The following ITGB6 variants were observed in gnomAD, a reference collection of about 807,000 sequenced individuals.
The protein encoded by ITGB6 is integrin subunit beta 6.
ITGB6 carries 80 observed loss-of-function variants against 84.5 expected under a neutral mutation model. The observed-to-expected ratio is 0.95, with a 90% CI of 0.79 to 1.14. The LOEUF is 1.14. Among genes scored for constraint, ITGB6 ranks in the 50% most tolerant of loss-of-function variants. ITGB6 has a pLI of 0.00. For missense variants in ITGB6, 1,006 were observed against 968.0 expected (o/e 1.04, Z -0.52); for synonymous variants, 383 against 354.9 (o/e 1.08, Z -0.89).
chr2:160,173,650 C>T (rs1685301495), intron 5 of ITGB6, among the ~76,000 whole-genome samples: 1 of 152,044 alleles, frequency 6.6e-6, no homozygotes, highest in Admixed American at 6.6e-5. Flanking sequence ...AAATGTTCTA[C>T]CCTTGATTTT....
chr2:160,163,894 C>T (rs1684910567), intron 7 of ITGB6, among the ~76,000 whole-genome samples: 1 of 152,166 alleles, frequency 6.6e-6, no homozygotes, highest in Non-Finnish European at 1.5e-5. Flanking sequence ...GACAAACGTT[C>T]CCTATTACAC....
At chr2:160,131,664 T>C (rs1157393082) in intron 10 of ITGB6, among the ~76,000 whole-genome samples, 1 of 152,186 alleles carries the variant, frequency 6.6e-6, no homozygotes, top group Non-Finnish European at 1.5e-5. Flanking sequence ...AGCAACATCC[T>C]TTGTGATGTT....
At chr2:160,118,496 G>A (rs1299145384) in intron 12 of ITGB6, among the ~76,000 whole-genome samples, 2 of 152,006 alleles carry the variant, frequency 1.3e-5, no homozygotes, top group Non-Finnish European at 2.9e-5. Flanking sequence ...AATAAATTAG[G>A]TATTGATGGG....
At chr2:160,139,417 C>T (rs1223563464) in intron 8 of ITGB6, among the ~76,000 whole-genome samples, 1 of 152,010 alleles carries the variant, frequency 6.6e-6, no homozygotes, top group Admixed American at 6.6e-5. Context: ...TGCTTTGATA[C>T]TTTATGTGTA....
At chr2:160,167,598 G>A (rs1322859356) in intron 7 of ITGB6, among the ~76,000 whole-genome samples, 1 of 152,200 alleles carries the variant, frequency 6.6e-6, no homozygotes, top group Non-Finnish European at 1.5e-5. Flanking sequence ...ATTAGAGGCA[G>A]ACTCTAATCT....
At chr2:160,199,919 T>C in intron 1 of ITGB6, 84 bp downstream of exon 1, 1 of 1,033,238 alleles carries the variant, frequency 9.7e-7, no homozygotes, top group Non-Finnish European at 1.5e-6. Context: ...AAATAAAACA[T>C]GACTTCAGAT....
chr2:160,127,169 CTG>C (rs1484189292), intron 10 of ITGB6, among the ~76,000 whole-genome samples: 4 of 152,160 alleles, frequency 2.6e-5, no homozygotes, highest in Non-Finnish European at 4.4e-5. Flanking sequence ...CTTGACCAAG[CTG>C]TCTCTTGTGG....
chr2:160,118,725 G>T (rs1682893104), intron 12 of ITGB6, among the ~76,000 whole-genome samples: 1 of 150,544 alleles, frequency 6.6e-6, no homozygotes, highest in African/African-American at 2.4e-5. Context: ...AAGTCAAATT[G>T]TCCCTGTTTG....
intron 4 of ITGB6, among the ~76,000 whole-genome samples, chr2:160,187,652 T>C (rs1176128388): frequency 6.6e-6 from 1 of 152,204 alleles, no homozygotes; most frequent in Non-Finnish European, 1.5e-5. Flanking sequence ...TTTCCGAATA[T>C]GTAAAACAGT....
chr2:160,179,828 T>G (rs1357007781), intron 4 of ITGB6, among the ~76,000 whole-genome samples: 1 of 150,288 alleles, frequency 6.7e-6, no homozygotes, highest in African/African-American at 2.5e-5. Flanking sequence ...CCGGGCAGGG[T>G]GGTTCACGCC....
intron 12 of ITGB6, among the ~76,000 whole-genome samples, chr2:160,115,378 C>T (rs540425014): frequency 1.1e-3 from 170 of 152,248 alleles, no homozygotes; most frequent in Non-Finnish European, 1.8e-3. Context: ...CTGCAGCCAC[C>T]GCTGCTGATA....
intron 7 of ITGB6, among the ~76,000 whole-genome samples, chr2:160,154,580 A>G (rs1260242328): frequency 6.6e-6 from 1 of 152,228 alleles, no homozygotes; most frequent in Non-Finnish European, 1.5e-5. Context: ...CTTAAAGTAT[A>G]AAAAGAAAGA....
rs1211312490 is a variant in ITGB6 at position 160,200,080 on chromosome 2, T to C, written c.-17A>G. Reference sequence around the variant, plus strand: ...AATCCCCATTCGTTTCAGTTCTTGCTGTGCAGACCGATTAAAAAATGAATT... The same window carrying C: ...AATCCCCATTCGTTTCAGTTCTTGCCGTGCAGACCGATTAAAAAATGAATT... On this transcript the variant is annotated 5_prime_UTR_variant, in exon 1 of 15. Coordinates refer to ENST00000283249, the MANE Select transcript of ITGB6 (RefSeq NM_000888.5). 4 of 1,609,938 alleles carry C rather than the reference T, an allele frequency of 2.5e-6. No individual in the cohort carries two copies. The highest frequency in any genetic ancestry group is 1.3e-5 in the African/African-American group (1 of 74,778).
Position 160,199,268 on chromosome 2 carries a change from G to A in ITGB6, c.62-10C>T, listed in dbSNP as rs768958305. On this transcript the variant is annotated splice_polypyrimidine_tract_variant and intron_variant, in intron 1 of 14. Coordinates refer to ENST00000283249, the MANE Select transcript of ITGB6 (RefSeq NM_000888.5). Reference sequence around the variant, plus strand: ...CCCAGGGCACAGCCACCTAGGTTTAGACCCAGCAAGATGCAGGGATTAAGT... The same window carrying A: ...CCCAGGGCACAGCCACCTAGGTTTAAACCCAGCAAGATGCAGGGATTAAGT... 1 of 1,610,050 alleles carries A rather than the reference G, an allele frequency of 6.2e-7. No individual in the cohort carries two copies. The highest frequency in any genetic ancestry group is 8.5e-7 in the Non-Finnish European group (1 of 1,176,356).
chr2:160,115,216 C>T (rs957699653), intron 12 of ITGB6, among the ~76,000 whole-genome samples: 17 of 152,230 alleles, frequency 1.1e-4, no homozygotes, highest in African/African-American at 3.9e-4. Flanking sequence ...GGTCCCTGAC[C>T]CCCGAACAGC....
intron 7 of ITGB6, among the ~76,000 whole-genome samples, chr2:160,149,303 C>A (rs1684323720): frequency 6.6e-6 from 1 of 152,210 alleles, no homozygotes; most frequent in Non-Finnish European, 1.5e-5. Flanking sequence ...TGGTGATACC[C>A]AGACAAACAG....
chr2:160,112,281 A>G, intron 12 of ITGB6, 82 bp from the exon 13 acceptor site: 2 of 1,312,366 alleles, frequency 1.5e-6, no homozygotes, highest in Middle Eastern at 2.5e-4. Flanking sequence ...TTGAGTTTTA[A>G]TATGTAAATT....
intron 4 of ITGB6, among the ~76,000 whole-genome samples, chr2:160,193,977 C>T (rs796938517): frequency 5.9e-5 from 9 of 152,186 alleles, no homozygotes; most frequent in African/African-American, 2.2e-4. Flanking sequence ...GCCAACATAG[C>T]GAAACCCAGT....
chr2:160,151,843 C>T (rs973295900), intron 7 of ITGB6, among the ~76,000 whole-genome samples: 12 of 152,096 alleles, frequency 7.9e-5, no homozygotes, highest in Admixed American at 5.9e-4. Flanking sequence ...ACTAGAAAAT[C>T]TAAAAGAAAT....
Sources: allele counts gnomAD v4.1 joint callset (sites outside exome capture counted in the v4.1 genomes callset), GRCh38; gene constraint gnomAD v4.1.1; transcripts MANE v1.5; gene names NCBI Gene and HGNC (gene_info 2026-07-23, HGNC 2026-07-21).